Variants in RANBP2 observed in about 807,000 individuals in gnomAD.
RANBP2 encodes the protein RAN binding protein 2, also known as E3 SUMO-protein ligase RanBP2.
Under a neutral mutation model 303.6 loss-of-function variants are expected in RANBP2, and 57 were observed. That is an observed-to-expected ratio of 0.19 (90% CI 0.15 to 0.23). The LOEUF is 0.23. Among genes scored for constraint, RANBP2 ranks in the 10% least tolerant of loss-of-function variants. RANBP2 has a pLI of 1.00. For synonymous variants in RANBP2, 1,167 were observed against 1,301.5 expected, an observed-to-expected ratio of 0.90 and a Z score of 2.23; for missense variants, 3,138 against 3,780.8, an observed-to-expected ratio of 0.83 and a Z score of 4.46.
At chr2:108,997,558 C>G in the RANBP2 span, among the ~76,000 whole-genome samples, 1 of 151,290 alleles carries the variant, frequency 6.6e-6, no homozygotes, top group African/African-American at 2.4e-5. Context: ...GGATGGCTGG[C>G]TGGATATCTG....
chr2:108,813,250 A>G, the RANBP2 span, among the ~76,000 whole-genome samples: 1 of 147,032 alleles, frequency 6.8e-6, no homozygotes, highest in South Asian at 2.1e-4. Context: ...CTCCGTCTCA[A>G]AAAAAAAAAA....
At chr2:109,283,712 T>C in the RANBP2 span, among the ~76,000 whole-genome samples, 1 of 152,110 alleles carries the variant, frequency 6.6e-6, no homozygotes, top group East Asian at 1.9e-4. Flanking sequence ...ATTTGAGAAT[T>C]GGGGATGCTA....
At chr2:109,284,103 T>C in the RANBP2 span, among the ~76,000 whole-genome samples, 2 of 152,118 alleles carry the variant, frequency 1.3e-5, no homozygotes, top group African/African-American at 2.4e-5. Context: ...TCCACCGTAA[T>C]GAAAGACCTT....
At chr2:109,777,336 T>A in the RANBP2 span, among the ~76,000 whole-genome samples, 1 of 147,914 alleles carries the variant, frequency 6.8e-6, no homozygotes, top group Non-Finnish European at 1.5e-5. Flanking sequence ...TTTAATATAC[T>A]TTAATAGACT....
At chr2:109,043,240 G>A in the RANBP2 span, among the ~76,000 whole-genome samples, 6 of 152,166 alleles carry the variant, frequency 3.9e-5, no homozygotes, top group Non-Finnish European at 8.8e-5. Flanking sequence ...TCATTTGTAC[G>A]TAAATTTTGA....
the RANBP2 span, among the ~76,000 whole-genome samples, chr2:109,023,980 C>CAATG: frequency 6.6e-5 from 10 of 152,038 alleles, no homozygotes; most frequent in African/African-American, 2.4e-4. Context: ...GGCTGGAGTG[C>CAATG]AATGGCATGA....
chr2:109,428,172 AG>A, the RANBP2 span, among the ~76,000 whole-genome samples: 3 of 152,234 alleles, frequency 2.0e-5, no homozygotes, highest in African/African-American at 7.2e-5. Flanking sequence ...CTGGGAGAAA[AG>A]TAGAAGTGGG....
At chr2:109,487,656 G>A in the RANBP2 span, among the ~76,000 whole-genome samples, 2 of 152,134 alleles carry the variant, frequency 1.3e-5, no homozygotes, top group African/African-American at 2.4e-5. Flanking sequence ...CAGCAGCTGG[G>A]CAGTGAGGCA....
chr2:109,458,455 A>C, the RANBP2 span, among the ~76,000 whole-genome samples: 5 of 152,076 alleles, frequency 3.3e-5, no homozygotes, highest in African/African-American at 1.2e-4. Flanking sequence ...CCTAGACTTC[A>C]GTTTATTTAG....
the RANBP2 span, among the ~76,000 whole-genome samples, chr2:109,341,511 T>G: frequency 6.6e-6 from 1 of 152,270 alleles, no homozygotes; most frequent in African/African-American, 2.4e-5. Flanking sequence ...CTAAAGAAAT[T>G]GTAAATACAC....
the RANBP2 span, chr2:108,791,917 C>T: frequency 1.5e-5 from 16 of 1,058,102 alleles, no homozygotes; most frequent in Non-Finnish European, 2.0e-5. Flanking sequence ...TTTCTGTGTT[C>T]TGAACTTCTG....
Position 108,764,259 on chromosome 2 carries a change from G to C in RANBP2, c.3720G>C (p.Leu1240Phe). Residue 1240 changes from leucine to phenylalanine, a missense_variant, in exon 20 of 29, where the codon TTG becomes TTC. This residue lies in a region of RANBP2 where 72 missense variants were observed against 119.5 expected (regional missense o/e 0.60). Coordinates refer to ENST00000283195, the MANE Select transcript of RANBP2 (RefSeq NM_006267.5). Reference protein sequence around the residue: ...IRLLMRREQVLKICANHYISP... With the variant: ...IRLLMRREQVFKICANHYISP... ...TTCTAATGAGACGAGAGCAAGTATT[G>C]AAAATCTGTGCAAATCATTACATCA... is the stretch of plus-strand genomic sequence containing the variant. 1 of 1,614,000 alleles carries C rather than the reference G, an allele frequency of 6.2e-7. No individual in the cohort carries two copies. Among genetic ancestry groups the C allele is most frequent in the Non-Finnish European group, 8.5e-7 (1 of 1,179,988 alleles).
At chr2:109,485,504 T>C in the RANBP2 span, among the ~76,000 whole-genome samples, 202 of 152,372 alleles carry the variant, frequency 1.3e-3, 2 homozygotes, top group South Asian at 3.1e-3. Context: ...TATACTAATG[T>C]TCTACTAAAC....
At chr2:108,982,708 C>T in the RANBP2 span, among the ~76,000 whole-genome samples, 8 of 152,228 alleles carry the variant, frequency 5.3e-5, no homozygotes, top group Non-Finnish European at 1.0e-4. Context: ...GGCAGTAATT[C>T]TAGAGAAAGT....
the RANBP2 span, among the ~76,000 whole-genome samples, chr2:109,193,822 C>T: frequency 1.3e-5 from 2 of 152,126 alleles, no homozygotes; most frequent in African/African-American, 2.4e-5. Flanking sequence ...GTGTTTTCTA[C>T]CCAGCACCTG....
chr2:108,854,380 T>C, the RANBP2 span, among the ~76,000 whole-genome samples: 1 of 150,682 alleles, frequency 6.6e-6, no homozygotes, highest in Non-Finnish European at 1.5e-5. Flanking sequence ...TGTGTGGTAT[T>C]TGGAAGGTCT....
the RANBP2 span, among the ~76,000 whole-genome samples, chr2:109,524,464 A>AG: frequency 5.6e-5 from 3 of 53,192 alleles, no homozygotes; most frequent in African/African-American, 2.2e-4. Flanking sequence ...AAAAAAAAAA[A>AG]AACAAAACAA....
At chr2:108,812,126 T>C in the RANBP2 span, among the ~76,000 whole-genome samples, 2 of 151,824 alleles carry the variant, frequency 1.3e-5, no homozygotes. Context: ...TAAAAGAAAA[T>C]AAAACCTAAA....
the RANBP2 span, among the ~76,000 whole-genome samples, chr2:109,467,767 T>G: frequency 6.6e-6 from 1 of 152,220 alleles, no homozygotes; most frequent in African/African-American, 2.4e-5. Flanking sequence ...ACTGGGCACC[T>G]TTTGCCTGAT....
Sources: allele counts gnomAD v4.1 joint callset (sites outside exome capture counted in the v4.1 genomes callset), GRCh38; gene constraint gnomAD v4.1.1; regional missense constraint gnomAD v4.1.1; transcripts MANE v1.5; gene names NCBI Gene and HGNC (gene_info 2026-07-23, HGNC 2026-07-21).